The following PDSS1 variants were observed in gnomAD, a reference collection of about 807,000 sequenced individuals.
PDSS1 encodes the protein all trans-polyprenyl-diphosphate synthase PDSS1.
A neutral mutation model predicts 57.5 loss-of-function variants in PDSS1; 43 were observed. The observed-to-expected ratio is 0.75, with a 90% CI of 0.59 to 0.96. PDSS1 has a LOEUF of 0.96. Among genes scored for constraint, PDSS1 ranks in the 50% least tolerant of loss-of-function variants. PDSS1 has a pLI of 0.00. For missense variants in PDSS1, 438 were observed against 527.8 expected (o/e 0.83, Z 1.67); for synonymous variants, 175 against 191.3 (o/e 0.91, Z 0.70).
At chr10:26,708,142 G>C (rs751954239) in intron 4 of PDSS1, among the ~76,000 whole-genome samples, 37 of 152,194 alleles carry the variant, frequency 2.4e-4, no homozygotes, top group Admixed American at 2.4e-3. Context: ...TGTAGGCAAG[G>C]CTTGTCTTAC....
intron 8 of PDSS1, among the ~76,000 whole-genome samples, chr10:26,726,784 G>A (rs1588693487): frequency 2.6e-5 from 4 of 152,080 alleles, no homozygotes; most frequent in East Asian, 1.9e-4. Flanking sequence ...ATTTTAGGCC[G>A]GGCACGGTGG....
At position 26,735,282 on chromosome 10, in the gene PDSS1, G is replaced by A. The variant is rs765310423; in HGVS notation, c.874G>A (p.Ala292Thr). Reference sequence around the variant, plus strand: ...TCCCGACCCAGTGGTGCATGAGATCGCCTATCAGTACGGAAAAAATGTAGG... The same window carrying A: ...TCCCGACCCAGTGGTGCATGAGATCACCTATCAGTACGGAAAAAATGTAGG... ...GCPDPVVHEI[A>T]YQYGKNVGIA... The change falls in exon 9 of 12, where the codon GCC becomes ACC. Residue 292 changes from alanine (A) to threonine (T), a missense_variant. By Grantham distance (58) the Ala-to-Thr change is moderately conservative (BLOSUM62 0). Coordinates refer to ENST00000376215, the MANE Select transcript of PDSS1 (RefSeq NM_014317.5). 9 of 1,613,328 alleles carry A rather than the reference G, an allele frequency of 5.6e-6. No individual in the cohort carries two copies. Among genetic ancestry groups the A allele is most frequent in the East Asian group, 4.5e-5 (2 of 44,894 alleles).
At chr10:26,739,825 G>A (rs1836524741) in intron 10 of PDSS1, among the ~76,000 whole-genome samples, 1 of 152,130 alleles carries the variant, frequency 6.6e-6, no homozygotes, top group South Asian at 2.1e-4. Context: ...AACAAGGCAA[G>A]ACCCCATCTC....
chr10:26,711,280 T>A (rs1412621890), intron 5 of PDSS1, among the ~76,000 whole-genome samples: 1 of 100,428 alleles, frequency 1.0e-5, no homozygotes, highest in African/African-American at 3.2e-5. Flanking sequence ...ATATTTCCCC[T>A]TCTCAGTAGA....
intron 4 of PDSS1, among the ~76,000 whole-genome samples, chr10:26,707,151 CAG>C (rs1302782253): frequency 6.6e-6 from 1 of 152,138 alleles, no homozygotes; most frequent in African/African-American, 2.4e-5. Context: ...GGAGCATGCT[CAG>C]TGTGTTTACC....
At position 26,735,582 on chromosome 10, in the gene PDSS1, A is replaced by T; in HGVS notation, c.1026+3A>T. ...CTGTCCTGTTTGCCTGTCAGCAGGT[A>T]GGTTTTACAAACTCCCTTTGACACA... On this transcript the variant is annotated splice_donor_region_variant and intron_variant, in intron 10 of 11. Coordinates refer to ENST00000376215, the MANE Select transcript of PDSS1 (RefSeq NM_014317.5). 2 of 1,569,596 alleles carry T rather than the reference A, an allele frequency of 1.3e-6. No individual in the cohort carries two copies. Among genetic ancestry groups the T allele is most frequent in the Non-Finnish European group, 8.8e-7 (1 of 1,139,236 alleles).
intron 5 of PDSS1, among the ~76,000 whole-genome samples, chr10:26,713,764 C>T (rs1424984978): frequency 6.6e-6 from 1 of 152,144 alleles, no homozygotes; most frequent in African/African-American, 2.4e-5. Flanking sequence ...CTGAGACTTG[C>T]CCCCAGATCC....
chr10:26,730,389 T>C (rs1039041115), intron 8 of PDSS1, among the ~76,000 whole-genome samples: 4 of 151,434 alleles, frequency 2.6e-5, no homozygotes, highest in Non-Finnish European at 5.9e-5. Context: ...GCAGATGGAT[T>C]GCTTGAGCCC....
intron 5 of PDSS1, among the ~76,000 whole-genome samples, chr10:26,714,221 C>G (rs1835486039): frequency 6.6e-6 from 1 of 152,142 alleles, no homozygotes; most frequent in South Asian, 2.1e-4. Flanking sequence ...CGCCTGTAAT[C>G]CCAGCACTTT....
At chr10:26,725,149 C>G (rs140546593) in intron 8 of PDSS1, among the ~76,000 whole-genome samples, 12 of 152,190 alleles carry the variant, frequency 7.9e-5, no homozygotes, top group African/African-American at 2.2e-4. Context: ...CTGACAGATA[C>G]ACAGAGACAA....
rs33930147 is a variant in PDSS1, at chr10:26,728,774, C to CTTTT, written c.831+4670_831+4673dup. ...CTTGGATTCTTATTTTATTCTGTATCTTTTTTTTTTTTTTTTTTTTTTGAG... is the reference window on the plus strand; with the variant it reads ...CTTGGATTCTTATTTTATTCTGTATCTTTTTTTTTTTTTTTTTTTTTTTTTTGAG... On this transcript the variant is annotated intron_variant, in intron 8 of 11. Transcript: ENST00000376215. Among the ~76,000 whole-genome samples, 593 of 84,504 alleles carry CTTTT rather than the reference C, an allele frequency of 7.0e-3. 6 individuals are homozygous for CTTTT. The highest frequency in any genetic ancestry group is 7.7e-3 in the East Asian group (19 of 2,476). The allele number at this position is 84,504 out of a possible 152,430, so 55.4% of individuals were successfully genotyped here.
intron 1 of PDSS1, among the ~76,000 whole-genome samples, chr10:26,700,909 T>G (rs796892288): frequency 6.6e-6 from 1 of 151,650 alleles, no homozygotes; most frequent in Admixed American, 6.6e-5. Context: ...CAAGCAGAGG[T>G]TGGAATAGTT....
intron 8 of PDSS1, among the ~76,000 whole-genome samples, chr10:26,725,001 C>T (rs559314820): frequency 2.6e-5 from 4 of 152,188 alleles, no homozygotes; most frequent in East Asian, 1.9e-4. Flanking sequence ...TCCCTCCCTC[C>T]GCTGTGCATA....
intron 11 of PDSS1, among the ~76,000 whole-genome samples, chr10:26,742,913 A>G (rs1256449271): frequency 6.6e-6 from 1 of 152,168 alleles, no homozygotes; most frequent in Non-Finnish European, 1.5e-5. Context: ...CAACAGAATC[A>G]CTGGGCCCCC....
rs1836671057 is a variant in PDSS1 at position 26,742,691 on chromosome 10, C to T, written c.1107+114C>T. ...AATTATAGATACAAGACTGTTTGGT[C>T]AACTCTTGATGTGACAAAAACTGAG... On this transcript the variant is annotated intron_variant, in intron 11 of 11. Transcript: ENST00000376215. 1.7e-5 allele frequency: 12 copies of T among 721,596 alleles called. No individual in the cohort carries two copies. The South Asian group carries it at 1.8e-4, about 11-fold the overall frequency. 44.7% of individuals were successfully genotyped at this position (721,596 alleles called of 1,614,324 possible).
At chr10:26,720,067 A>C in intron 5 of PDSS1, 151 bp from the exon 6 acceptor site, 1 of 1,032,170 alleles carries the variant, frequency 9.7e-7, no homozygotes, top group Non-Finnish European at 1.4e-6. Flanking sequence ...AATGTATAGA[A>C]ATGGCTGTGT....
At chr10:26,723,733 T>C (rs983732795) in intron 6 of PDSS1, 73 bp from the exon 7 acceptor site, 4 of 1,011,676 alleles carry the variant, frequency 4.0e-6, no homozygotes, top group Non-Finnish European at 6.3e-6. Context: ...TCCCTTCCAG[T>C]CAGTTTCATC....
intron 1 of PDSS1, chr10:26,701,766 G>A (rs1425296777): frequency 1.1e-5 from 5 of 453,510 alleles, no homozygotes; most frequent in Non-Finnish European, 2.2e-5. Context: ...CTGGGGCACT[G>A]CCTAATGGAG....
chr10:26,705,352 C>T lies in PDSS1; in HGVS notation c.294C>T (p.Leu98=), dbSNP rs747850974. The T allele has an allele frequency of 6.9e-5, 111 of 1,610,966 alleles. No individual in the cohort carries two copies. Among genetic ancestry groups the T allele is most frequent in the Admixed American group, 1.0e-4 (6 of 59,976 alleles). ...SGEKYTDPFK[L]GWRDLKGLYE... ...AAAAATACACCGATCCTTTCAAACT[C>T]GGTTGGAGAGACTTGAAAGGTCTGT... Residue 98 remains leucine, a synonymous_variant, in exon 4 of 12, where the codon CTC becomes CTT. Transcript: ENST00000376215.
Sources: allele counts gnomAD v4.1 joint callset (sites outside exome capture counted in the v4.1 genomes callset), GRCh38; gene constraint gnomAD v4.1.1; transcripts MANE v1.5; gene names NCBI Gene and HGNC (gene_info 2026-07-23, HGNC 2026-07-21).